TBX15: variants seen among roughly 807,000 people sequenced by gnomAD.
TBX15 encodes the protein T-box transcription factor TBX15.
Under a neutral mutation model 53.9 loss-of-function variants are expected in TBX15, and 18 were observed. The ratio of observed to expected loss-of-function variants is 0.33; its 90% CI spans 0.23 to 0.49. The LOEUF is 0.49. TBX15 is among the 20% of genes least tolerant of loss of function. The pLI, the probability that TBX15 is intolerant of heterozygous loss-of-function variation, is 0.98. For missense variants in TBX15, 692 were observed against 749.5 expected (o/e 0.92, Z 0.90); for synonymous variants, 295 against 278.0 (o/e 1.06, Z -0.61).
chr1:118,984,565 G>C (rs1339544519), intron 1 of TBX15, among the ~76,000 whole-genome samples: 1 of 152,230 alleles, frequency 6.6e-6, no homozygotes, highest in African/African-American at 2.4e-5. Flanking sequence ...GCCGATCCTA[G>C]CTCGAAAGTT....
upstream of TBX15, among the ~76,000 whole-genome samples, chr1:118,988,602 AATCC>A (rs1428183044): frequency 6.6e-6 from 1 of 152,172 alleles, no homozygotes; most frequent in Non-Finnish European, 1.5e-5. Context: ...AACTCCTGCA[AATCC>A]CAAATCCATA....
chr1:118,891,485 C>T (rs1487753840), intron 7 of TBX15, among the ~76,000 whole-genome samples: 9 of 152,194 alleles, frequency 5.9e-5, no homozygotes, highest in African/African-American at 1.7e-4. Flanking sequence ...AGTTTTCCCA[C>T]TATTACACAC....
chr1:118,938,357 A>G (rs569374176), intron 1 of TBX15, among the ~76,000 whole-genome samples: 7 of 152,204 alleles, frequency 4.6e-5, no homozygotes, highest in Admixed American at 1.3e-4. Context: ...TATCTCACCA[A>G]CTGCCTACAG....
At chr1:118,959,024 C>CAGAGAGAGAGAGAGAGAGAGAGAGAGAG (rs10563585) in intron 1 of TBX15, among the ~76,000 whole-genome samples, 9 of 144,544 alleles carry the variant, frequency 6.2e-5, no homozygotes, top group African/African-American at 2.0e-4. Context: ...GGTATAATAT[C>CAGAGAGAGAGAGAGAGAGAGAGAGAGAG]AGAGAGAGAG....
chr1:118,981,846 C>T (rs941449935), intron 1 of TBX15, among the ~76,000 whole-genome samples: 13 of 152,216 alleles, frequency 8.5e-5, no homozygotes, highest in South Asian at 2.1e-4. Context: ...CCAGTGCAGA[C>T]CCCTGAGTAT....
chr1:118,928,691 A>G (rs1172626759), intron 2 of TBX15, among the ~76,000 whole-genome samples: 1 of 152,232 alleles, frequency 6.6e-6, no homozygotes, highest in East Asian at 1.9e-4. Flanking sequence ...ATTACACGAA[A>G]GAGAGAGATT....
intron 7 of TBX15, among the ~76,000 whole-genome samples, chr1:118,887,758 G>A (rs558182519): frequency 9.9e-4 from 150 of 151,410 alleles, no homozygotes; most frequent in African/African-American, 3.3e-3. Context: ...GGTCCCAGAT[G>A]TGTCAATTAA....
At chr1:118,904,971 C>A (rs1654764583) in intron 6 of TBX15, among the ~76,000 whole-genome samples, 1 of 152,138 alleles carries the variant, frequency 6.6e-6, no homozygotes, top group Non-Finnish European at 1.5e-5. Flanking sequence ...ATACTTCCTC[C>A]TAACTGTGAT....
chr1:118,957,206 A>C (rs537931832), intron 1 of TBX15, among the ~76,000 whole-genome samples: 2 of 152,364 alleles, frequency 1.3e-5, no homozygotes, highest in South Asian at 2.1e-4. Flanking sequence ...CATTGAAAAC[A>C]CAACCATGCA....
chr1:118,956,753 C>T (rs1656701851), intron 1 of TBX15, among the ~76,000 whole-genome samples: 1 of 151,372 alleles, frequency 6.6e-6, no homozygotes, highest in African/African-American at 2.4e-5. Flanking sequence ...GAGATCGAGA[C>T]CATCCTGGCT....
rs1180352737 is a variant in TBX15, at chr1:118,924,907, A to AG, written c.522-91dup. On this transcript the variant is annotated intron_variant, in intron 3 of 7. Coordinates refer to ENST00000369429, the MANE Select transcript of TBX15 (RefSeq NM_001330677.2). ...AACAAGTTGAGACAGGGGAAAGGAG[A>AG]GAAAAACAAAGAGATTACATGAATG... 11 of 1,375,978 alleles carry AG rather than the reference A, an allele frequency of 8.0e-6. No individual in the cohort carries two copies. The East Asian group carries it at 2.5e-4, about 32-fold the overall frequency. The allele number at this position is 1,375,978 out of a possible 1,614,324, so 85.2% of individuals were successfully genotyped here.
chr1:118,892,305 T>G (rs1441640132), intron 7 of TBX15, among the ~76,000 whole-genome samples: 1 of 152,198 alleles, frequency 6.6e-6, no homozygotes, highest in East Asian at 1.9e-4. Context: ...CATATTAGTG[T>G]CCCTGGCAAA....
chr1:118,975,678 G>T (rs1657400075), intron 1 of TBX15, among the ~76,000 whole-genome samples: 1 of 152,180 alleles, frequency 6.6e-6, no homozygotes, highest in Non-Finnish European at 1.5e-5. Context: ...CTTCCTCAAG[G>T]CCTATTGGGT....
At chr1:118,916,592 G>T (rs567367537) in intron 5 of TBX15, among the ~76,000 whole-genome samples, 3 of 152,180 alleles carry the variant, frequency 2.0e-5, no homozygotes, top group African/African-American at 7.2e-5. Context: ...GGCCAAGCGT[G>T]GTGGCTCATG....
At chr1:118,897,610 T>C (rs1404568640) in intron 7 of TBX15, among the ~76,000 whole-genome samples, 1 of 152,154 alleles carries the variant, frequency 6.6e-6, no homozygotes, top group African/African-American at 2.4e-5. Context: ...TATCCCTCTT[T>C]TGTAGGTGAG....
chr1:118,938,387 A>C (rs142486605), intron 1 of TBX15, among the ~76,000 whole-genome samples: 244 of 152,300 alleles, frequency 1.6e-3, no homozygotes, highest in African/African-American at 5.6e-3. Flanking sequence ...CTTAACAAGC[A>C]GCACCTCTCT....
intron 1 of TBX15, among the ~76,000 whole-genome samples, chr1:118,959,542 G>A (rs186510720): frequency 1.5e-3 from 227 of 152,258 alleles, no homozygotes; most frequent in Non-Finnish European, 2.9e-3. Flanking sequence ...AGCCTTCCCT[G>A]GAGTTACTGC....
chr1:118,888,090 G>T (rs1200296115), intron 7 of TBX15, among the ~76,000 whole-genome samples: 1 of 152,140 alleles, frequency 6.6e-6, no homozygotes, highest in Non-Finnish European at 1.5e-5. Context: ...AAAGTAAAAT[G>T]ATTTTTATTC....
chr1:118,890,776 G>T, intron 7 of TBX15: 1 of 638,966 alleles, frequency 1.6e-6, no homozygotes, highest in Non-Finnish European at 2.3e-6. Flanking sequence ...AATTTATTTT[G>T]CTGTGCTTTT....
Sources: allele counts gnomAD v4.1 joint callset (sites outside exome capture counted in the v4.1 genomes callset), GRCh38; gene constraint gnomAD v4.1.1; transcripts MANE v1.5; gene names NCBI Gene and HGNC (gene_info 2026-07-23, HGNC 2026-07-21).